The following TSNAXIP1 variants were observed in gnomAD, a reference collection of about 807,000 sequenced individuals.
TSNAXIP1 encodes the protein translin associated factor X interacting protein 1.
Under a neutral mutation model 84.8 loss-of-function variants are expected in TSNAXIP1, and 89 were observed. The ratio of observed to expected loss-of-function variants is 1.05; its 90% CI spans 0.88 to 1.25. The LOEUF (loss-of-function observed/expected upper bound fraction) is 1.25, where lower values mean the gene tolerates loss of function less well. Ranked by LOEUF, TSNAXIP1 falls within the 50% of genes most tolerant of loss-of-function variation. The pLI is 0.00. For synonymous variants in TSNAXIP1, 347 were observed against 335.2 expected (o/e 1.04, Z -0.39); for missense variants, 874 against 887.6 (o/e 0.98, Z 0.20).
At chr16:67,812,895 G>A (rs1411888270) in intron 1 of TSNAXIP1, among the ~76,000 whole-genome samples, 4 of 152,108 alleles carry the variant, frequency 2.6e-5, no homozygotes, top group African/African-American at 9.7e-5. Flanking sequence ...ACAGGCATGA[G>A]CTACCACGCC....
At chr16:67,817,938 C>T (rs2056724878) in intron 2 of TSNAXIP1, among the ~76,000 whole-genome samples, 1 of 151,760 alleles carries the variant, frequency 6.6e-6, no homozygotes, top group Non-Finnish European at 1.5e-5. Flanking sequence ...GGGCCGGGCG[C>T]AGTGGCTCAC....
rs779122668 is a variant in TSNAXIP1, at chr16:67,827,989, G to C, written c.2135G>C (p.Ser712Thr). 6.2e-7 allele frequency: 1 copy of C among 1,612,732 alleles called. No individual in the cohort carries two copies. The highest frequency in any genetic ancestry group is 1.1e-5 in the South Asian group (1 of 91,078). The change falls in exon 16 of 16, where the codon AGC (serine) becomes ACC (threonine). Residue 712 changes from serine to threonine, a missense_variant. By Grantham distance (58) the Ser-to-Thr change is moderately conservative (BLOSUM62 1). Coordinates refer to ENST00000561639, the MANE Select transcript of TSNAXIP1 (RefSeq NM_001288990.3). ...RVGPREPEPA[S>T] ...GGACCTCGAGAGCCAGAGCCTGCAA[G>C]CTAGGAACTTGTGGGCAGCCTGCGT...
At chr16:67,816,096 G>A (rs1429031208) in intron 2 of TSNAXIP1, among the ~76,000 whole-genome samples, 1 of 150,642 alleles carries the variant, frequency 6.6e-6, no homozygotes, top group African/African-American at 2.5e-5. Context: ...AGCCGCCCCA[G>A]TAGCTGGGAC....
chr16:67,815,425 G>A (rs1289445791), intron 2 of TSNAXIP1, among the ~76,000 whole-genome samples: 2 of 150,254 alleles, frequency 1.3e-5, no homozygotes, highest in Non-Finnish European at 2.9e-5. Flanking sequence ...AGTCTCAAAT[G>A]CCAGGGCTCA....
At chr16:67,820,996 G>A in intron 3 of TSNAXIP1, 45 bp downstream of exon 3, 2 of 1,589,070 alleles carry the variant, frequency 1.3e-6, no homozygotes, top group Non-Finnish European at 8.6e-7. Context: ...GCATGGGCCA[G>A]GCTTTGGGCC....
intron 1 of TSNAXIP1, among the ~76,000 whole-genome samples, chr16:67,811,650 G>A (rs2151195646): frequency 6.6e-6 from 1 of 151,698 alleles, no homozygotes; most frequent in East Asian, 2.0e-4. Context: ...CACTATGTTG[G>A]CCAGGCTGGT....
intron 1 of TSNAXIP1, among the ~76,000 whole-genome samples, chr16:67,813,860 C>T (rs781668064): frequency 3.3e-5 from 5 of 151,832 alleles, no homozygotes; most frequent in African/African-American, 4.8e-5. Context: ...TAGACCCTAT[C>T]AGCTGCCAGT....
intron 10 of TSNAXIP1, 43 bp from the exon 11 acceptor site, chr16:67,826,394 G>A: frequency 6.2e-7 from 1 of 1,610,232 alleles, no homozygotes; most frequent in Non-Finnish European, 8.5e-7. Context: ...TGGGGGTGGG[G>A]CCACAGATGG....
chr16:67,810,473 GC>G (rs1402650632), intron 1 of TSNAXIP1, among the ~76,000 whole-genome samples: 1 of 151,826 alleles, frequency 6.6e-6, no homozygotes, highest in Non-Finnish European at 1.5e-5. Context: ...ACAAAAATTA[GC>G]CGGGCTTGGT....
chr16:67,823,796 C>T, intron 5 of TSNAXIP1, 77 bp downstream of exon 5: 1 of 1,264,866 alleles, frequency 7.9e-7, no homozygotes, highest in Non-Finnish European at 1.1e-6. Context: ...GGCGGTAGAT[C>T]ACTTGAGGTC....
At chr16:67,817,908 C>A (rs1371007115) in intron 2 of TSNAXIP1, among the ~76,000 whole-genome samples, 1 of 147,084 alleles carries the variant, frequency 6.8e-6, no homozygotes, top group Non-Finnish European at 1.5e-5. Context: ...TAAATAAAAA[C>A]AAATAATAAA....
intron 2 of TSNAXIP1, among the ~76,000 whole-genome samples, chr16:67,819,859 G>A (rs1348199956): frequency 2.9e-4 from 35 of 121,516 alleles, no homozygotes; most frequent in East Asian, 2.4e-3. Flanking sequence ...TCGCTCTGTC[G>A]CCAGGCTGGA....
chr16:67,824,982 C>T (rs773189765), intron 6 of TSNAXIP1, among the ~76,000 whole-genome samples, 155 bp from the exon 7 acceptor site: 7 of 152,336 alleles, frequency 4.6e-5, no homozygotes, highest in Non-Finnish European at 1.0e-4. Flanking sequence ...GGCACCTTGC[C>T]GAATTCTCAG....
At chr16:67,810,071 A>G (rs966673006) in intron 1 of TSNAXIP1, among the ~76,000 whole-genome samples, 6 of 152,182 alleles carry the variant, frequency 3.9e-5, no homozygotes, top group African/African-American at 1.4e-4. Context: ...GACACTGTGG[A>G]TGTCCTCATC....
At position 67,827,561 on chromosome 16, in the gene TSNAXIP1, A is replaced by G; in HGVS notation, c.1880A>G (p.Gln627Arg). Reference protein sequence around the residue: ...EKDEYLQQLKQELGIELHEEV... With the variant: ...EKDEYLQQLKRELGIELHEEV... Reference sequence around the variant, plus strand: ...GACGAGTACTTACAGCAGCTAAAGCAGGAGCTTGGCATAGAACTGTGAGTG... The same window carrying G: ...GACGAGTACTTACAGCAGCTAAAGCGGGAGCTTGGCATAGAACTGTGAGTG... Residue 627 changes from glutamine to arginine, a missense_variant, in exon 15 of 16, where the codon CAG becomes CGG. By Grantham distance (43) the Gln-to-Arg change is conservative. Transcript: ENST00000561639. 1 of 1,614,244 alleles carries G rather than the reference A, an allele frequency of 6.2e-7. No individual in the cohort carries two copies. The highest frequency in any genetic ancestry group is 2.2e-5 in the East Asian group (1 of 44,884).
intron 1 of TSNAXIP1, among the ~76,000 whole-genome samples, chr16:67,808,570 T>G: frequency 6.9e-6 from 1 of 145,372 alleles, no homozygotes; most frequent in Non-Finnish European, 1.5e-5. Context: ...CGAGACTACG[T>G]CTCAAAAAAA....
Position 67,824,653 on chromosome 16 carries a change from C to T in TSNAXIP1, c.552C>T (p.Cys184=). ...AGCTTGTCACTGTGAATGAGGACTG[C>T]AATGAGAGGATCCTGGCCATGAGAG... ...KAKLVTVNED[C]NERILAMRAE... The change falls in exon 6 of 16, where the codon TGC becomes TGT. Residue 184 remains cysteine (C), a synonymous_variant. Transcript: ENST00000561639. 3.1e-6 allele frequency: 5 copies of T among 1,614,060 alleles called. No homozygotes were observed. The highest frequency in any genetic ancestry group is 4.2e-6 in the Non-Finnish European group (5 of 1,180,014).
chr16:67,810,325 A>G (rs1165788153), intron 1 of TSNAXIP1, among the ~76,000 whole-genome samples: 1 of 152,124 alleles, frequency 6.6e-6, no homozygotes, highest in Admixed American at 6.6e-5. Flanking sequence ...TACCACTTAA[A>G]TAACTGAGCT....
At chr16:67,821,261 G>A (rs962328035) in intron 4 of TSNAXIP1, 36 bp downstream of exon 4, 1 of 741,946 alleles carries the variant, frequency 1.3e-6, no homozygotes, top group Admixed American at 2.0e-5. Context: ...GAGGGCGGGG[G>A]AAGGGTGGGA....
Sources: gnomAD v4.1 joint callset for allele counts (sites outside exome capture counted in the v4.1 genomes callset) on GRCh38, gnomAD v4.1.1 for gene constraint, MANE v1.5 for transcripts, NCBI Gene and HGNC (gene_info 2026-07-23, HGNC 2026-07-21) for gene names.